KANK2: variants seen among roughly 807,000 people sequenced by gnomAD.
KANK2 encodes KN motif and ankyrin repeat domain-containing protein 2.
A neutral mutation model predicts 74.6 loss-of-function variants in KANK2; 41 were observed. That is an observed-to-expected ratio of 0.55 (90% CI 0.43 to 0.71). The LOEUF (loss-of-function observed/expected upper bound fraction) is 0.71. Among genes scored for constraint, KANK2 ranks in the 30% least tolerant of loss-of-function variants. The pLI, the probability that KANK2 is intolerant of heterozygous loss-of-function variation, is 0.00. For missense variants in KANK2, 1,148 were observed against 1,196.4 expected (o/e 0.96, Z 0.60); for synonymous variants, 537 against 519.0 (o/e 1.03, Z -0.47).
In KANK2 at chr19:11,174,424, C is replaced by T. The variant is rs202145350; in HGVS notation, c.2068+49G>A. 455 of 1,456,746 alleles carry T rather than the reference C, an allele frequency of 3.1e-4. 2 individuals carry two copies. In the African/African-American group the frequency reaches 4.9e-3, roughly 16 times the overall value. 90.2% of individuals were successfully genotyped at this position (1,456,746 alleles called of 1,614,324 possible). On this transcript the variant is annotated intron_variant, in intron 9 of 12. Coordinates refer to ENST00000586659, the MANE Select transcript of KANK2 (RefSeq NM_001136191.3). ...GTCTTCCCTATCAGACTGGGCATGG[C>T]GGACAGCTGGCTGGTTTAGAGCCGC...
Position 11,194,014 on chromosome 19 carries a change from G to A in KANK2, c.66C>T (p.Ala22=). The A allele has an allele frequency of 6.2e-7, 1 of 1,611,298 alleles. No homozygotes were observed. The highest frequency in any genetic ancestry group is 8.5e-7 in the Non-Finnish European group (1 of 1,178,160). ...GTGGATCGGGGTCCTTGGCAGGGAA[G>A]GCAGGTGGGGAGGCTGGGCCAGGGG... ...PGTPGPASPP[A]FPAKDPDPPY... Residue 22 remains alanine (A), a synonymous_variant, in exon 4 of 13, where the codon GCC becomes GCT. Transcript: ENST00000586659.
chr19:11,166,499 G>A lies in KANK2; in HGVS notation c.*59C>T. The A allele has an allele frequency of 1.3e-6, 2 of 1,492,656 alleles. No individual in the cohort carries two copies. The highest frequency in any genetic ancestry group is 1.7e-5 in the Admixed American group (1 of 59,746). The allele number at this position is 1,492,656 out of a possible 1,614,324, so 92.5% of individuals were successfully genotyped here. ...GGCCAGGGAGGAACGGGAACAGGGA[G>A]GAGACGGGGACAAGGGACGGTTTGC... On this transcript the variant is annotated 3_prime_UTR_variant, in exon 13 of 13. Coordinates refer to ENST00000586659, the MANE Select transcript of KANK2 (RefSeq NM_001136191.3).
At chr19:11,186,915 C>G (rs1336714810) in intron 4 of KANK2, among the ~76,000 whole-genome samples, 1 of 151,966 alleles carries the variant, frequency 6.6e-6, no homozygotes, top group African/African-American at 2.4e-5. Flanking sequence ...CAGCATTGTT[C>G]GTGGTGGCCG....
At chr19:11,176,090 G>C in intron 7 of KANK2, 101 bp from the exon 8 acceptor site, 1 of 853,508 alleles carries the variant, frequency 1.2e-6, no homozygotes. Flanking sequence ...AGGGTCACCT[G>C]AATGGTGGCA....
At chr19:11,197,773 G>A (rs1157116364), upstream of KANK2, 5 of 148,836 alleles carry the variant, frequency 3.4e-5, no homozygotes, top group African/African-American at 1.2e-4. Context: ...CTAAGTCCCC[G>A]AGGCAGGGTC....
intron 8 of KANK2, among the ~76,000 whole-genome samples, chr19:11,175,597 C>T (rs1263537786): frequency 6.6e-6 from 1 of 152,040 alleles, no homozygotes; most frequent in African/African-American, 2.4e-5. Flanking sequence ...TGGTTATAAT[C>T]GCCAAAGTCA....
At chr19:11,167,246 G>T (rs111731690) in intron 12 of KANK2, among the ~76,000 whole-genome samples, 11,969 of 151,860 alleles carry the variant, frequency 0.079, 616 homozygotes, top group African/African-American at 0.15. Context: ...TGCGTTTTTA[G>T]TAGAGATGGG....
chr19:11,193,559 A>G lies in KANK2; in HGVS notation c.521T>C (p.Leu174Pro), dbSNP rs1433474389. The G allele has an allele frequency of 3.8e-6, 6 of 1,595,602 alleles. No individual in the cohort carries two copies. The highest frequency in any genetic ancestry group is 5.1e-6 in the Non-Finnish European group (6 of 1,172,342). The change falls in exon 4 of 13, where the codon CTG (leucine) becomes CCG (proline). Residue 174 changes from leucine (L) to proline (P), a missense_variant. Coordinates refer to ENST00000586659, the MANE Select transcript of KANK2 (RefSeq NM_001136191.3). The surrounding 1 kb of genome is among the most constrained non-coding windows in gnomAD (Gnocchi z 9.6). ...LPPPTPRSSG[L>P]STPVPPSAGH... ...GGCACTGGGAGGCACCGGTGTGGAC[A>G]GTCCTGAACTCCGTGGTGTCGGGGG...
rs932585572 is a variant in KANK2, at chr19:11,192,395, G to C, written c.1249+436C>G. ...TCTAAGAGTTGGACTGATGTGTCTG[G>C]TGGAAGGTCGGGGGCTGGGGCTGGA... On this transcript the variant is annotated intron_variant, in intron 4 of 12. Coordinates refer to ENST00000586659, the MANE Select transcript of KANK2 (RefSeq NM_001136191.3). 5.4e-5 allele frequency: 14 copies of C among 259,896 alleles called. 1 individual carries two copies. In the South Asian group the frequency reaches 6.2e-4, roughly 12 times the overall value. 16.1% of individuals were successfully genotyped at this position (259,896 alleles called of 1,614,324 possible). A position where few individuals can be genotyped will look rare whatever the true frequency, so the allele number is the denominator to read the frequency against.
intron 12 of KANK2, among the ~76,000 whole-genome samples, chr19:11,167,040 G>C (rs2078042728): frequency 6.6e-6 from 1 of 152,126 alleles, no homozygotes; most frequent in Admixed American, 6.6e-5. Flanking sequence ...GCAGGGCCTG[G>C]TGGGCTTTGG....
chr19:11,191,972 T>C (rs970253327), intron 4 of KANK2, among the ~76,000 whole-genome samples: 5 of 152,106 alleles, frequency 3.3e-5, no homozygotes, highest in Non-Finnish European at 7.4e-5. Context: ...GGCGGGAGGA[T>C]TGCTTGAGCC....
intron 4 of KANK2, 52 bp from the exon 5 acceptor site, chr19:11,178,772 C>T: frequency 1.4e-6 from 2 of 1,464,272 alleles, no homozygotes; most frequent in Non-Finnish European, 1.8e-6. Flanking sequence ...GCCAAACCAC[C>T]ACAGCCCTGC....
At chr19:11,178,074 C>T (rs1483760368) in intron 6 of KANK2, among the ~76,000 whole-genome samples, 3 of 152,138 alleles carry the variant, frequency 2.0e-5, no homozygotes, top group East Asian at 1.9e-4. Flanking sequence ...AAGCGGCGTC[C>T]GGCACCTTCT....
chr19:11,172,435 C>T lies in KANK2; in HGVS notation c.2211+546G>A, dbSNP rs2078204501. The stretch of plus-strand genomic sequence containing the variant: ...CTGTTGACGATCCCTCTCCTCCTCA[C>T]TGTCCTCAGTGGGTCCTGGCTTCCC... On this transcript the variant is annotated intron_variant, in intron 10 of 12. Coordinates refer to ENST00000586659, the MANE Select transcript of KANK2 (RefSeq NM_001136191.3). 1.3e-5 allele frequency among the ~76,000 whole-genome samples: 2 copies of T among 152,210 alleles called. 1 individual carries two copies. The highest frequency in any genetic ancestry group is 4.1e-4 in the South Asian group (2 of 4,826).
intron 4 of KANK2, among the ~76,000 whole-genome samples, chr19:11,187,286 TAAA>T (rs2078704336): frequency 6.6e-6 from 1 of 151,126 alleles, no homozygotes; most frequent in Non-Finnish European, 1.5e-5. Context: ...AAAAAGAAAA[TAAA>T]AAGTGATAAA....
intron 3 of KANK2, 143 bp downstream of exon 3, chr19:11,194,332 G>A (rs941428748): frequency 2.6e-5 from 18 of 696,962 alleles, no homozygotes; most frequent in Admixed American, 7.9e-5. Context: ...CCCTCCCAGG[G>A]CAGGACTCTG....
At chr19:11,166,890 C>G (rs1298271255) in intron 12 of KANK2, among the ~76,000 whole-genome samples, 1 of 152,048 alleles carries the variant, frequency 6.6e-6, no homozygotes, top group East Asian at 1.9e-4. Context: ...CATCAAGGAG[C>G]CAGCGAGCAG....
chr19:11,188,588 G>A (rs1378529971), intron 4 of KANK2, among the ~76,000 whole-genome samples: 1 of 150,578 alleles, frequency 6.6e-6, no homozygotes, highest in Non-Finnish European at 1.5e-5. Context: ...TGATAAGCCC[G>A]AGCCTTTGCT....
chr19:11,176,479 TGATA>T (rs2078339355), intron 7 of KANK2, 95 bp downstream of exon 7: 1 of 1,348,196 alleles, frequency 7.4e-7, no homozygotes, highest in South Asian at 1.5e-5. Context: ...TGTGCATGAC[TGATA>T]GGAGGGTCCT....
Sources: allele counts gnomAD v4.1 joint callset (sites outside exome capture counted in the v4.1 genomes callset), GRCh38; gene constraint gnomAD v4.1.1; non-coding constraint Gnocchi (gnomAD v3.1); transcripts MANE v1.5; gene names NCBI Gene and HGNC (gene_info 2026-07-23, HGNC 2026-07-21).